Variants in KDM4C observed in about 807,000 individuals in gnomAD.
KDM4C encodes lysine demethylase 4C, also known as lysine-specific demethylase 4C.
A neutral mutation model predicts 129.3 loss-of-function variants in KDM4C; 81 were observed. That is an observed-to-expected ratio of 0.63 (90% CI 0.52 to 0.75). The LOEUF is 0.75. KDM4C is among the 30% of genes least tolerant of loss of function. The probability of loss-of-function intolerance (pLI) is 0.00; values close to 1 mark genes in which losing one functional copy is unlikely to be tolerated. For missense variants in KDM4C, 1,457 were observed against 1,304.0 expected (o/e 1.12, Z -1.81); for synonymous variants, 573 against 456.1 (o/e 1.26, Z -3.26).
At chr9:6,836,348 G>A (rs565115753) in intron 4 of KDM4C, among the ~76,000 whole-genome samples, 1 of 152,194 alleles carries the variant, frequency 6.6e-6, no homozygotes, top group South Asian at 2.1e-4. Flanking sequence ...CTCCAGCCTG[G>A]GGGACAGAGC....
At chr9:6,849,027 G>A (rs1017069433) in intron 4 of KDM4C, among the ~76,000 whole-genome samples, 2 of 152,168 alleles carry the variant, frequency 1.3e-5, no homozygotes, top group East Asian at 3.8e-4. Context: ...GAGAGAGATA[G>A]CAGAAGATAT....
chr9:7,168,095 G>C (rs547709329), intron 20 of KDM4C, among the ~76,000 whole-genome samples: 1 of 152,168 alleles, frequency 6.6e-6, no homozygotes, highest in African/African-American at 2.4e-5. Flanking sequence ...GGCTGAGGCA[G>C]AAGAATCACT....
Position 7,010,281 on chromosome 9 carries a change from T to C in KDM4C, c.1787-1417T>C, listed in dbSNP as rs1822455111. Among the ~76,000 whole-genome samples the C allele has an allele frequency of 4.6e-5, 7 of 152,304 alleles. No individual in the cohort carries two copies. In the South Asian group the frequency reaches 1.4e-3, roughly 32 times the overall value. On this transcript the variant is annotated intron_variant, in intron 12 of 21. Coordinates refer to ENST00000381309, the MANE Select transcript of KDM4C (RefSeq NM_015061.6). Reference sequence around the variant, plus strand: ...TTCAAATACTCTACCCATGGGTGAATACCAAGTGTTTTCCATTGTAAAAAT... The same window carrying C: ...TTCAAATACTCTACCCATGGGTGAACACCAAGTGTTTTCCATTGTAAAAAT...
Position 6,768,756 on chromosome 9 carries a change from C to A in KDM4C, c.-18+10553C>A, listed in dbSNP as rs140425699. Among the ~76,000 whole-genome samples the A allele has an allele frequency of 2.4e-4, 37 of 151,356 alleles. No homozygotes were observed. The East Asian group carries it at 7.2e-3, about 29-fold the overall frequency. ...TCTTCATGGTCTTGATTTTCATGAT[C>A]TTGACACTTTTTGTTTTTCTTTCTT... is the stretch of plus-strand genomic sequence containing the variant. On this transcript the variant is annotated intron_variant, in intron 1 of 21. Coordinates refer to ENST00000381309, the MANE Select transcript of KDM4C (RefSeq NM_015061.6).
At chr9:6,792,084 A>T (rs1324624049) in intron 1 of KDM4C, among the ~76,000 whole-genome samples, 1 of 150,114 alleles carries the variant, frequency 6.7e-6, no homozygotes, top group Non-Finnish European at 1.5e-5. Context: ...TCACATCTGT[A>T]AATCCCAGCA....
At chr9:6,795,767 G>T (rs1450327952) in intron 2 of KDM4C, among the ~76,000 whole-genome samples, 3 of 151,212 alleles carry the variant, frequency 2.0e-5, no homozygotes, top group Non-Finnish European at 4.4e-5. Context: ...GACCTTCCAG[G>T]TTCAAGCGAT....
intron 5 of KDM4C, among the ~76,000 whole-genome samples, chr9:6,863,017 T>C (rs1019505918): frequency 6.6e-6 from 1 of 152,138 alleles, no homozygotes; most frequent in Admixed American, 6.5e-5. Flanking sequence ...ACATAATAGT[T>C]ATACCTATTT....
At chr9:6,987,068 A>T (rs1332148532) in intron 11 of KDM4C, among the ~76,000 whole-genome samples, 4 of 152,344 alleles carry the variant, frequency 2.6e-5, no homozygotes, top group East Asian at 3.9e-4. Context: ...ACATTGATAC[A>T]GTAAAGATTA....
At chr9:7,001,919 G>T (rs1820792724) in intron 12 of KDM4C, among the ~76,000 whole-genome samples, 1 of 152,100 alleles carries the variant, frequency 6.6e-6, no homozygotes. Context: ...TTGAGACAGA[G>T]TCTTACTCTG....
intron 5 of KDM4C, among the ~76,000 whole-genome samples, chr9:6,864,255 G>A (rs1242155145): frequency 6.6e-6 from 1 of 151,128 alleles, no homozygotes; most frequent in African/African-American, 2.5e-5. Flanking sequence ...TATGTTTGAA[G>A]GACAGCTTTG....
chr9:6,842,325 T>C (rs547901920), intron 4 of KDM4C, among the ~76,000 whole-genome samples: 2 of 139,968 alleles, frequency 1.4e-5, no homozygotes, highest in African/African-American at 5.3e-5. Context: ...TTTTTTTTTT[T>C]TTTTTTTTTG....
chr9:7,087,946 T>C (rs537807494), intron 17 of KDM4C, among the ~76,000 whole-genome samples: 4 of 152,372 alleles, frequency 2.6e-5, no homozygotes, highest in African/African-American at 9.6e-5. Context: ...CGCCGATTTG[T>C]AATCTTACAG....
intron 8 of KDM4C, among the ~76,000 whole-genome samples, chr9:6,903,699 A>G (rs1589023534): frequency 6.6e-6 from 1 of 152,226 alleles, no homozygotes; most frequent in South Asian, 2.1e-4. Context: ...TTTTACAGAA[A>G]AGCATTGGAA....
At chr9:7,045,828 G>C in intron 15 of KDM4C, among the ~76,000 whole-genome samples, 1 of 151,796 alleles carries the variant, frequency 6.6e-6, no homozygotes, top group Non-Finnish European at 1.5e-5. Flanking sequence ...CAGTTGTTTT[G>C]GTATCGTTTT....
At chr9:6,742,415 TTTA>T (rs1358800000) in intron 1 of KDM4C, among the ~76,000 whole-genome samples, 1 of 152,176 alleles carries the variant, frequency 6.6e-6, no homozygotes, top group Non-Finnish European at 1.5e-5. Context: ...ATTTATTTAT[TTTA>T]TTATCAAGCA....
intron 11 of KDM4C, 178 bp downstream of exon 11, chr9:6,986,844 C>A (rs1251742349): frequency 1.9e-6 from 1 of 525,200 alleles, no homozygotes; most frequent in Non-Finnish European, 3.3e-6. Context: ...AGCTGTGGCT[C>A]ACATAGTGAT....
chr9:6,810,956 A>G (rs548268131), intron 3 of KDM4C, among the ~76,000 whole-genome samples: 4 of 152,218 alleles, frequency 2.6e-5, no homozygotes, highest in African/African-American at 7.2e-5. Flanking sequence ...ATGTTAAACA[A>G]CTTTTGAAAT....
chr9:6,857,889 G>C (rs1278967689), intron 5 of KDM4C, among the ~76,000 whole-genome samples: 1 of 148,644 alleles, frequency 6.7e-6, no homozygotes, highest in African/African-American at 2.5e-5. Flanking sequence ...TGAGTAGCTA[G>C]GACTACAGGT....
chr9:6,796,525 G>A (rs1354440868), intron 2 of KDM4C, among the ~76,000 whole-genome samples: 4 of 152,160 alleles, frequency 2.6e-5, no homozygotes, highest in African/African-American at 9.7e-5. Context: ...AGGGTGGCAC[G>A]TTCAGTAACT....
Sources: allele counts gnomAD v4.1 joint callset (sites outside exome capture counted in the v4.1 genomes callset), GRCh38; gene constraint gnomAD v4.1.1; transcripts MANE v1.5; gene names NCBI Gene and HGNC (gene_info 2026-07-23, HGNC 2026-07-21).